The following CSMD1 variants were observed in gnomAD, a reference collection of about 807,000 sequenced individuals.
CSMD1 encodes CUB and sushi domain-containing protein 1.
Under a neutral mutation model 417.5 loss-of-function variants are expected in CSMD1, and 213 were observed. The ratio of observed to expected loss-of-function variants is 0.51; its 90% CI spans 0.46 to 0.57. The LOEUF (loss-of-function observed/expected upper bound fraction) is 0.57, where lower values mean the gene tolerates loss of function less well. Among genes scored for constraint, CSMD1 ranks in the 20% least tolerant of loss-of-function variants. CSMD1 has a pLI of 0.00. For synonymous variants in CSMD1, 2,862 were observed against 1,736.8 expected (o/e 1.65, Z -16.11); for missense variants, 6,923 against 4,529.7 (o/e 1.53, Z -15.17).
chr8:4,680,942 C>T (rs951108190), intron 1 of CSMD1, among the ~76,000 whole-genome samples: 1 of 125,232 alleles, frequency 8.0e-6, no homozygotes, highest in African/African-American at 3.0e-5. Context: ...CCTAATCTAT[C>T]TATATTGATG....
intron 2 of CSMD1, among the ~76,000 whole-genome samples, chr8:4,556,487 G>C (rs765570071): frequency 1.3e-5 from 2 of 152,080 alleles, no homozygotes; most frequent in Non-Finnish European, 2.9e-5. Flanking sequence ...CATGAGGAAA[G>C]TCTCGAGCAG....
At chr8:4,406,206 A>C (rs1483206121) in intron 3 of CSMD1, among the ~76,000 whole-genome samples, 2 of 152,136 alleles carry the variant, frequency 1.3e-5, no homozygotes, top group Non-Finnish European at 2.9e-5. Flanking sequence ...ACCGCATTCT[A>C]CTGTAATGTG....
intron 5 of CSMD1, among the ~76,000 whole-genome samples, chr8:3,896,874 C>G (rs1460057900): frequency 1.3e-5 from 2 of 152,058 alleles, no homozygotes; most frequent in African/African-American, 4.8e-5. Flanking sequence ...AAGCGCTTGT[C>G]TATCACCTAA....
intron 2 of CSMD1, among the ~76,000 whole-genome samples, chr8:4,537,905 T>C (rs929840075): frequency 2.6e-5 from 4 of 152,214 alleles, no homozygotes; most frequent in African/African-American, 7.2e-5. Flanking sequence ...TTAGTTATTC[T>C]CTCTTTGTGA....
intron 23 of CSMD1, among the ~76,000 whole-genome samples, chr8:3,326,919 G>A (rs1460216434): frequency 6.6e-6 from 1 of 152,070 alleles, no homozygotes; most frequent in Non-Finnish European, 1.5e-5. Flanking sequence ...GCTCATGCCT[G>A]TAATCTCGGC....
intron 1 of CSMD1, among the ~76,000 whole-genome samples, chr8:4,861,673 TAAC>T (rs1215523512): frequency 2.0e-5 from 3 of 152,116 alleles, no homozygotes; most frequent in East Asian, 1.9e-4. Context: ...TTCTACCACA[TAAC>T]AACACAGTGA....
At chr8:3,484,700 A>G (rs891143455) in intron 11 of CSMD1, among the ~76,000 whole-genome samples, 1 of 152,234 alleles carries the variant, frequency 6.6e-6, no homozygotes. Context: ...TCTACAAAGC[A>G]CTAATATCTT....
chr8:4,508,342 A>T (rs533432188), intron 2 of CSMD1, among the ~76,000 whole-genome samples: 1 of 152,292 alleles, frequency 6.6e-6, no homozygotes, highest in East Asian at 1.9e-4. Flanking sequence ...ACAGGATTGT[A>T]TAAGATGGGA....
At chr8:4,438,581 T>A (rs1197783020) in intron 2 of CSMD1, among the ~76,000 whole-genome samples, 2 of 152,188 alleles carry the variant, frequency 1.3e-5, no homozygotes, top group South Asian at 2.1e-4. Flanking sequence ...TGGGGAGCCC[T>A]GCACAGTCAC....
At chr8:4,654,658 G>A (rs990227169) in intron 1 of CSMD1, among the ~76,000 whole-genome samples, 1 of 152,094 alleles carries the variant, frequency 6.6e-6, no homozygotes, top group African/African-American at 2.4e-5. Context: ...ATTGTAATAA[G>A]TTTTGGATTT....
intron 51 of CSMD1, among the ~76,000 whole-genome samples, chr8:3,019,574 A>C (rs1264502683): frequency 6.6e-6 from 1 of 152,214 alleles, no homozygotes; most frequent in Non-Finnish European, 1.5e-5. Flanking sequence ...TGCTGACTAC[A>C]CAGGGCATTT....
At chr8:3,498,929 T>C (rs1796477468) in intron 10 of CSMD1, among the ~76,000 whole-genome samples, 1 of 152,224 alleles carries the variant, frequency 6.6e-6, no homozygotes, top group African/African-American at 2.4e-5. Flanking sequence ...ATTTTTATTC[T>C]ACTGATTCTC....
chr8:4,066,447 C>A (rs1326532376), intron 3 of CSMD1, among the ~76,000 whole-genome samples: 1 of 152,044 alleles, frequency 6.6e-6, no homozygotes, highest in Non-Finnish European at 1.5e-5. Context: ...GCTAGCTACC[C>A]GATAATATTT....
chr8:3,460,739 T>G (rs944756616), intron 12 of CSMD1, among the ~76,000 whole-genome samples: 4 of 152,190 alleles, frequency 2.6e-5, no homozygotes, highest in Non-Finnish European at 5.9e-5. Context: ...ACAATAATTA[T>G]AAATCTGTTG....
chr8:4,238,620 G>A (rs957670244), intron 3 of CSMD1, among the ~76,000 whole-genome samples: 2 of 152,164 alleles, frequency 1.3e-5, no homozygotes, highest in African/African-American at 4.8e-5. Flanking sequence ...TTAAAAAACA[G>A]GAAGAATGAA....
intron 18 of CSMD1, among the ~76,000 whole-genome samples, chr8:3,384,722 T>C (rs1267269124): frequency 8.1e-6 from 1 of 123,454 alleles, no homozygotes; most frequent in African/African-American, 3.1e-5. Flanking sequence ...ATATTTATAA[T>C]ATTTATATAT....
intron 4 of CSMD1, among the ~76,000 whole-genome samples, chr8:4,016,787 G>T (rs1796544222): frequency 6.6e-6 from 1 of 152,140 alleles, no homozygotes; most frequent in African/African-American, 2.4e-5. Flanking sequence ...GTATAGTTGG[G>T]TTTTTTTGGT....
intron 3 of CSMD1, among the ~76,000 whole-genome samples, chr8:4,200,182 G>C (rs1156305765): frequency 6.6e-6 from 1 of 152,058 alleles, no homozygotes; most frequent in Non-Finnish European, 1.5e-5. Context: ...TTAACTACCT[G>C]GACAAAATCC....
chr8:4,971,688 A>AATATATATAT (rs5889080), intron 1 of CSMD1, among the ~76,000 whole-genome samples: 5 of 148,998 alleles, frequency 3.4e-5, no homozygotes, highest in African/African-American at 4.9e-5. Context: ...ACTATTCTGA[A>AATATATATAT]ATATATATAT....
Sources: gnomAD v4.1 joint callset for allele counts (sites outside exome capture counted in the v4.1 genomes callset) on GRCh38, gnomAD v4.1.1 for gene constraint, MANE v1.5 for transcripts, NCBI Gene and HGNC (gene_info 2026-07-23, HGNC 2026-07-21) for gene names.